Variants in AFG2A observed in about 807,000 individuals in gnomAD.
The protein encoded by AFG2A is ATPase family gene 2 protein homolog A.
the AFG2A span, chr4:123,314,087 C>G: frequency 6.8e-7 from 1 of 1,471,118 alleles, no homozygotes; most frequent in Non-Finnish European, 9.0e-7. Flanking sequence ...ATTCAAGATG[C>G]TGAAAATCCT....
the AFG2A span, among the ~76,000 whole-genome samples, chr4:123,024,747 G>C: frequency 6.6e-6 from 1 of 152,336 alleles, no homozygotes; most frequent in Middle Eastern, 3.4e-3. Context: ...GTGAATGCTT[G>C]ATGTCATCGA....
the AFG2A span, among the ~76,000 whole-genome samples, chr4:123,297,713 CA>C: frequency 9.7e-6 from 1 of 103,390 alleles, no homozygotes; most frequent in African/African-American, 3.0e-5. Flanking sequence ...AGTGAGACTC[CA>C]TCTCAAAAAA....
the AFG2A span, among the ~76,000 whole-genome samples, chr4:122,942,064 T>C: frequency 6.6e-6 from 1 of 151,974 alleles, no homozygotes; most frequent in East Asian, 1.9e-4. Flanking sequence ...TTTGCATCAA[T>C]GTTCATCAAG....
At chr4:123,182,040 C>T in the AFG2A span, among the ~76,000 whole-genome samples, 2 of 152,126 alleles carry the variant, frequency 1.3e-5, no homozygotes, top group Non-Finnish European at 2.9e-5. Flanking sequence ...TGCAGGTAAG[C>T]TCTGAAACTC....
the AFG2A span, among the ~76,000 whole-genome samples, chr4:122,929,609 GGATTGCTTGAGCCTGGGAGGTGGA>G: frequency 4.6e-5 from 7 of 152,116 alleles, no homozygotes; most frequent in Non-Finnish European, 8.8e-5. Context: ...TGAGACAGGA[GGATTGCTTGAGCCTGGGAGGTGGA>G]GATTGCAGTG....
chr4:122,950,976 C>G, the AFG2A span, among the ~76,000 whole-genome samples: 1 of 152,150 alleles, frequency 6.6e-6, no homozygotes, highest in Admixed American at 6.5e-5. Flanking sequence ...GTAAGTTGTC[C>G]CCTATGTCCT....
chr4:123,106,939 C>A, the AFG2A span, among the ~76,000 whole-genome samples: 1 of 152,252 alleles, frequency 6.6e-6, no homozygotes, highest in South Asian at 2.1e-4. Context: ...GGCACACAAG[C>A]TGCTGCATGG....
At chr4:123,160,842 A>G in the AFG2A span, among the ~76,000 whole-genome samples, 1 of 152,194 alleles carries the variant, frequency 6.6e-6, no homozygotes, top group Non-Finnish European at 1.5e-5. Context: ...ATACATACCT[A>G]TGATGACATT....
the AFG2A span, among the ~76,000 whole-genome samples, chr4:123,044,786 A>G: frequency 1.3e-5 from 2 of 151,746 alleles, no homozygotes; most frequent in East Asian, 3.9e-4. Context: ...TTTTTTGTCA[A>G]TCTTTTTTGT....
At chr4:123,127,331 A>G in the AFG2A span, among the ~76,000 whole-genome samples, 3 of 152,338 alleles carry the variant, frequency 2.0e-5, no homozygotes, top group East Asian at 5.8e-4. Flanking sequence ...TCACAGTTTT[A>G]TCATATCAGT....
chr4:123,188,897 C>G, the AFG2A span, among the ~76,000 whole-genome samples: 1 of 152,120 alleles, frequency 6.6e-6, no homozygotes, highest in African/African-American at 2.4e-5. Flanking sequence ...ATTAAACTTA[C>G]AAGTTTATCA....
the AFG2A span, among the ~76,000 whole-genome samples, chr4:122,956,338 A>G: frequency 6.6e-6 from 1 of 152,248 alleles, no homozygotes; most frequent in African/African-American, 2.4e-5. Flanking sequence ...CTGTGATAGA[A>G]GTATCAGACA....
chr4:122,961,848 C>T, the AFG2A span, among the ~76,000 whole-genome samples: 154 of 152,238 alleles, frequency 1.0e-3, 1 homozygote, highest in African/African-American at 3.2e-3. Context: ...GATGTGAGTT[C>T]GCTGTAGGCG....
At chr4:123,318,118 A>G in the AFG2A span, 1 of 152,258 alleles carries the variant, frequency 6.6e-6, no homozygotes, top group African/African-American at 2.4e-5. Flanking sequence ...CCATGAATTT[A>G]CAATGCAATC....
the AFG2A span, among the ~76,000 whole-genome samples, chr4:123,093,737 A>C: frequency 6.6e-6 from 1 of 152,130 alleles, no homozygotes; most frequent in Non-Finnish European, 1.5e-5. Context: ...GAGGAGTAAA[A>C]ATCTCTGGAT....
At chr4:123,096,634 C>A in the AFG2A span, among the ~76,000 whole-genome samples, 43 of 152,040 alleles carry the variant, frequency 2.8e-4, no homozygotes, top group African/African-American at 9.9e-4. Flanking sequence ...TACTATATAA[C>A]AAGCTCCTAA....
At chr4:123,011,061 T>C in the AFG2A span, among the ~76,000 whole-genome samples, 3 of 152,256 alleles carry the variant, frequency 2.0e-5, no homozygotes, top group Admixed American at 1.3e-4. Context: ...ACCTTTTGCC[T>C]TCAAACCAAA....
the AFG2A span, among the ~76,000 whole-genome samples, chr4:123,183,015 A>G: frequency 2.0e-5 from 3 of 152,342 alleles, no homozygotes; most frequent in South Asian, 6.2e-4. Context: ...TCACCAGATA[A>G]GCTTTGAAAA....
the AFG2A span, among the ~76,000 whole-genome samples, chr4:123,070,446 G>A: frequency 6.6e-6 from 1 of 152,036 alleles, no homozygotes; most frequent in African/African-American, 2.4e-5. Flanking sequence ...AAGTTTGTTA[G>A]TTCTGGAGGT....
Sources: allele counts gnomAD v4.1 joint callset (sites outside exome capture counted in the v4.1 genomes callset), GRCh38; gene constraint gnomAD v4.1.1; transcripts MANE v1.5; gene names NCBI Gene and HGNC (gene_info 2026-07-23, HGNC 2026-07-21).